Variants in PLCH1 observed in about 807,000 individuals in gnomAD.
PLCH1 encodes the protein 1-phosphatidylinositol 4,5-bisphosphate phosphodiesterase eta-1.
PLCH1 carries 60 observed loss-of-function variants against 126.7 expected under a neutral mutation model. The ratio of observed to expected loss-of-function variants is 0.47; its 90% CI spans 0.38 to 0.59. The LOEUF is 0.59. Among genes scored for constraint, PLCH1 ranks in the 20% least tolerant of loss-of-function variants. The pLI is 0.00. For synonymous variants in PLCH1, 719 were observed against 734.9 expected (o/e 0.98, Z 0.35); for missense variants, 1,723 against 2,040.0 (o/e 0.84, Z 2.99).
intron 10 of PLCH1, among the ~76,000 whole-genome samples, chr3:155,541,502 C>A (rs1274023988): frequency 2.6e-5 from 4 of 152,040 alleles, no homozygotes. Context: ...TCTTAGGAAA[C>A]AGGGAGAACT....
At chr3:155,513,116 C>T (rs979245875) in intron 12 of PLCH1, among the ~76,000 whole-genome samples, 1 of 152,178 alleles carries the variant, frequency 6.6e-6, no homozygotes, top group South Asian at 2.1e-4. Flanking sequence ...GCTGGAGTGA[C>T]GTGCTGCCCA....
At chr3:155,710,073 C>T (rs947029387) in intron 1 of PLCH1, among the ~76,000 whole-genome samples, 2 of 152,156 alleles carry the variant, frequency 1.3e-5, no homozygotes, top group South Asian at 2.1e-4. Context: ...CTGCAGCCTC[C>T]GTCTCCCAGG....
intron 19 of PLCH1, 76 bp downstream of exon 19, chr3:155,490,708 C>T (rs566708975): frequency 2.4e-6 from 2 of 843,776 alleles, no homozygotes; most frequent in South Asian, 2.9e-5. Context: ...TGCTCTTCTA[C>T]ATAGACACTT....
At chr3:155,517,792 G>T (rs575609112) in intron 11 of PLCH1, among the ~76,000 whole-genome samples, 2 of 152,238 alleles carry the variant, frequency 1.3e-5, no homozygotes, top group South Asian at 4.1e-4. Flanking sequence ...CCACTGTAAT[G>T]ACTAACAGCT....
At position 155,480,369 on chromosome 3, in the gene PLCH1, C is replaced by T. The variant is rs1294709660; in HGVS notation, c.*599G>A. On this transcript the variant is annotated 3_prime_UTR_variant, in exon 23 of 23. Coordinates refer to ENST00000460012, the MANE Select transcript of PLCH1 (RefSeq NM_014996.4). ...CTTCCTCACACCCTCACGGCCTATT[C>T]CAAAAAGTGGGAAGGGCATGGGGAG... is the stretch of plus-strand genomic sequence containing the variant. 1 of 152,660 alleles carries T rather than the reference C, an allele frequency of 6.6e-6. No individual in the cohort carries two copies. The highest frequency in any genetic ancestry group is 1.5e-5 in the Non-Finnish European group (1 of 68,092). The allele number at this position is 152,660 out of a possible 1,614,324, so 9.5% of individuals were successfully genotyped here.
At chr3:155,649,520 G>A (rs561829244) in intron 2 of PLCH1, among the ~76,000 whole-genome samples, 66 of 152,240 alleles carry the variant, frequency 4.3e-4, no homozygotes, top group Non-Finnish European at 2.6e-4. Context: ...TTGCAAGGGA[G>A]GGGTCTCACT....
At chr3:155,708,189 G>A (rs149302239) in intron 1 of PLCH1, among the ~76,000 whole-genome samples, 2 of 152,306 alleles carry the variant, frequency 1.3e-5, no homozygotes, top group East Asian at 3.9e-4. Context: ...CTCTAGGGGT[G>A]GGATTCAGGC....
intron 2 of PLCH1, among the ~76,000 whole-genome samples, chr3:155,645,398 C>T (rs372035806): frequency 5.9e-5 from 9 of 152,066 alleles, no homozygotes; most frequent in Admixed American, 2.0e-4. Context: ...TTATAGGTAC[C>T]TGGGATTTGT....
intron 10 of PLCH1, among the ~76,000 whole-genome samples, chr3:155,532,673 C>T (rs1722854281): frequency 6.6e-6 from 1 of 152,176 alleles, no homozygotes; most frequent in South Asian, 2.1e-4. Flanking sequence ...GTGACTGTTT[C>T]CTCTTCACCT....
chr3:155,596,509 G>C, intron 2 of PLCH1, 131 bp from the exon 3 acceptor site: 3 of 558,104 alleles, frequency 5.4e-6, no homozygotes, highest in Non-Finnish European at 8.9e-6. Context: ...TTTGGTAGAG[G>C]TAATCTGAAA....
chr3:155,633,169 T>C (rs1441798524), intron 2 of PLCH1, among the ~76,000 whole-genome samples: 10 of 152,056 alleles, frequency 6.6e-5, no homozygotes, highest in African/African-American at 2.4e-4. Flanking sequence ...CAGCTCCCAT[T>C]GCTGAGGGCA....
intron 17 of PLCH1, 86 bp from the exon 18 acceptor site, chr3:155,492,939 A>C: frequency 1.8e-6 from 2 of 1,117,224 alleles, no homozygotes; most frequent in Non-Finnish European, 2.5e-6. Context: ...GAAACAAACA[A>C]ACAAAAACAA....
At chr3:155,639,169 T>C (rs952462862) in intron 2 of PLCH1, among the ~76,000 whole-genome samples, 4 of 152,234 alleles carry the variant, frequency 2.6e-5, no homozygotes. Flanking sequence ...TTCCCATAAA[T>C]AAACCAGGGG....
intron 6 of PLCH1, among the ~76,000 whole-genome samples, chr3:155,568,951 T>C (rs1358190385): frequency 3.3e-5 from 5 of 152,174 alleles, no homozygotes; most frequent in Non-Finnish European, 2.9e-5. Flanking sequence ...TTATTAATAG[T>C]GTGACATTGA....
intron 17 of PLCH1, among the ~76,000 whole-genome samples, 153 bp from the exon 18 acceptor site, chr3:155,493,006 G>A (rs775457157): frequency 6.6e-6 from 1 of 152,244 alleles, no homozygotes; most frequent in Non-Finnish European, 1.5e-5. Flanking sequence ...GTTTTCATTA[G>A]AAACCATGTT....
intron 2 of PLCH1, among the ~76,000 whole-genome samples, chr3:155,639,122 A>G (rs895741051): frequency 6.6e-6 from 1 of 152,120 alleles, no homozygotes; most frequent in African/African-American, 2.4e-5. Flanking sequence ...AAGATATACC[A>G]CCTTGTTGGA....
At chr3:155,544,246 G>T (rs1724855677) in intron 10 of PLCH1, among the ~76,000 whole-genome samples, 1 of 152,152 alleles carries the variant, frequency 6.6e-6, no homozygotes, top group Non-Finnish European at 1.5e-5. Context: ...CCTAGTCTCT[G>T]ATAAAACAGA....
intron 2 of PLCH1, among the ~76,000 whole-genome samples, chr3:155,616,349 A>C (rs897938426): frequency 1.3e-5 from 2 of 152,228 alleles, no homozygotes; most frequent in African/African-American, 2.4e-5. Flanking sequence ...TTAATCTTAC[A>C]AAGAAAAATT....
At chr3:155,645,960 G>T (rs936762055) in intron 2 of PLCH1, among the ~76,000 whole-genome samples, 2 of 152,166 alleles carry the variant, frequency 1.3e-5, no homozygotes, top group Non-Finnish European at 2.9e-5. Context: ...AGCAGGATCT[G>T]GGGGGAAAGG....
Sources: gnomAD v4.1 joint callset for allele counts (sites outside exome capture counted in the v4.1 genomes callset) on GRCh38, gnomAD v4.1.1 for gene constraint, MANE v1.5 for transcripts, NCBI Gene and HGNC (gene_info 2026-07-23, HGNC 2026-07-21) for gene names.